The following RYR3 variants were observed in gnomAD, a reference collection of about 807,000 sequenced individuals.
The protein encoded by RYR3 is ryanodine receptor 3.
Under a neutral mutation model 584.3 loss-of-function variants are expected in RYR3, and 207 were observed. That is an observed-to-expected ratio of 0.35 (90% confidence interval 0.32 to 0.40). The LOEUF is 0.40. Ranked by LOEUF, RYR3 falls within the 10% of genes least tolerant of loss-of-function variation. The pLI is 1.00. For missense variants in RYR3, 5,616 were observed against 6,089.2 expected, an observed-to-expected ratio of 0.92 and a Z score of 2.59; for synonymous variants, 2,416 against 2,248.5, an observed-to-expected ratio of 1.07 and a Z score of -2.11.
chr15:33,784,759 C>T (rs2074601666), intron 65 of RYR3, among the ~76,000 whole-genome samples: 1 of 152,228 alleles, frequency 6.6e-6, no homozygotes, highest in Admixed American at 6.5e-5. Context: ...TATCCTCTAA[C>T]ATGTCAGGAA....
In RYR3 at chr15:33,467,919, G is replaced by A. The variant is rs933285589; in HGVS notation, c.52-5500G>A. ...CTCTGTGATGTGGTTATGTTTCAAT[G>A]TGGTTTGATCATGTGACAGGGCTGG... On this transcript the variant is annotated intron_variant, in intron 1 of 103. Transcript: ENST00000634891. Among the ~76,000 whole-genome samples the A allele has an allele frequency of 6.6e-5, 10 of 152,324 alleles. No homozygotes were observed. The South Asian group carries it at 8.3e-4, about 13-fold the overall frequency.
At chr15:33,616,787 G>C (rs2060473971) in intron 19 of RYR3, among the ~76,000 whole-genome samples, 1 of 152,172 alleles carries the variant, frequency 6.6e-6, no homozygotes, top group South Asian at 2.1e-4. Flanking sequence ...CTGGCTTCGG[G>C]TCTCACAGCA....
At chr15:33,584,234 GA>G (rs201623484) in intron 14 of RYR3, among the ~76,000 whole-genome samples, 160 bp from the exon 15 acceptor site, 1 of 150,740 alleles carries the variant, frequency 6.6e-6, no homozygotes, top group East Asian at 1.9e-4. Flanking sequence ...CTTAAAAAAA[GA>G]AAAAAAAAGA....
At chr15:33,421,907 A>G (rs1051444489) in intron 1 of RYR3, among the ~76,000 whole-genome samples, 3 of 152,218 alleles carry the variant, frequency 2.0e-5, no homozygotes, top group African/African-American at 7.2e-5. Context: ...AATGTGGAAG[A>G]CCTGCTTGGA....
chr15:33,652,641 T>G, intron 31 of RYR3, 77 bp from the exon 32 acceptor site: 1 of 1,470,442 alleles, frequency 6.8e-7, no homozygotes, highest in African/African-American at 1.4e-5. Context: ...CCATTTTCAT[T>G]TTTCATTTCA....
At chr15:33,738,006 A>C (rs2069671442) in intron 49 of RYR3, among the ~76,000 whole-genome samples, 1 of 152,160 alleles carries the variant, frequency 6.6e-6, no homozygotes, top group Admixed American at 6.5e-5. Flanking sequence ...GAAAATCTTC[A>C]GACCCACGAC....
chr15:33,377,159 A>G (rs1017448678), intron 1 of RYR3, among the ~76,000 whole-genome samples: 3 of 152,256 alleles, frequency 2.0e-5, no homozygotes, highest in Non-Finnish European at 2.9e-5. Context: ...ATTGGGTATT[A>G]TAGGCTCTGA....
At chr15:33,574,451 T>A (rs1258195448) in intron 12 of RYR3, among the ~76,000 whole-genome samples, 1 of 152,182 alleles carries the variant, frequency 6.6e-6, no homozygotes, top group Non-Finnish European at 1.5e-5. Flanking sequence ...TTCCCCACTA[T>A]TTTTGTGTCT....
In RYR3 at chr15:33,539,433, C is replaced by T; in HGVS notation, c.517C>T (p.Leu173Phe). Residue 173 changes from leucine (L) to phenylalanine (F), a missense_variant, in exon 6 of 104, where the codon CTC becomes TTC. Around this residue, in one of 9 missense-constraint regions of RYR3, gnomAD observed 1,284 missense variants for 1,344.6 expected, o/e 0.95. Transcript: ENST00000634891. ...AGTTCGAATTGGCGATGACCTCATC[C>T]TCGTCAGCGTGTCCTCTGAAAGATA... is the stretch of plus-strand genomic sequence containing the variant. ...EKVRIGDDLI[L>F]VSVSSERYLH... 2 of 1,599,692 alleles carry T rather than the reference C, an allele frequency of 1.3e-6. No homozygotes were observed. The highest frequency in any genetic ancestry group is 1.7e-6 in the Non-Finnish European group (2 of 1,172,046).
At chr15:33,818,518 C>G in intron 75 of RYR3, 60 bp from the exon 76 acceptor site, 2 of 1,263,400 alleles carry the variant, frequency 1.6e-6, no homozygotes, top group Middle Eastern at 1.9e-4. Context: ...TGTTCGCATG[C>G]CAGTCACGTG....
At chr15:33,806,015 A>C (rs1055741842) in intron 69 of RYR3, among the ~76,000 whole-genome samples, 1 of 144,310 alleles carries the variant, frequency 6.9e-6, no homozygotes, top group Non-Finnish European at 1.5e-5. Flanking sequence ...CTCTCACTCT[A>C]TCTCTTGCTT....
intron 65 of RYR3, among the ~76,000 whole-genome samples, chr15:33,781,381 A>T (rs2074370188): frequency 6.6e-6 from 1 of 152,196 alleles, no homozygotes. Flanking sequence ...TCTATTCAGA[A>T]CCAATGTTTT....
At chr15:33,789,144 G>T (rs930428624) in intron 67 of RYR3, among the ~76,000 whole-genome samples, 1 of 152,146 alleles carries the variant, frequency 6.6e-6, no homozygotes, top group African/African-American at 2.4e-5. Context: ...ACCAAAAGGA[G>T]GCCAGTGTAG....
At chr15:33,658,537 C>A (rs955700477) in intron 32 of RYR3, among the ~76,000 whole-genome samples, 3 of 152,212 alleles carry the variant, frequency 2.0e-5, no homozygotes, top group African/African-American at 7.2e-5. Context: ...ATTGGGGTCA[C>A]CTTAGGGTAT....
intron 12 of RYR3, among the ~76,000 whole-genome samples, chr15:33,568,743 TTTAATA>T: frequency 6.6e-6 from 1 of 152,280 alleles, no homozygotes; most frequent in African/African-American, 2.4e-5. Flanking sequence ...TTCAGTAAGT[TTTAATA>T]TATTTATTTG....
At chr15:33,669,314 A>G in intron 36 of RYR3, 40 bp from the exon 37 acceptor site, 4 of 1,558,598 alleles carry the variant, frequency 2.6e-6, no homozygotes, top group Non-Finnish European at 3.5e-6. Flanking sequence ...CTTGGCCAAC[A>G]TTGAGAACCA....
chr15:33,350,713 G>A (rs1455569299), intron 1 of RYR3, among the ~76,000 whole-genome samples: 3 of 151,974 alleles, frequency 2.0e-5, no homozygotes, highest in South Asian at 4.2e-4. Context: ...TGAAACCAAC[G>A]AGAACAAAGA....
intron 71 of RYR3, 100 bp downstream of exon 71, chr15:33,810,749 G>A (rs2076484528): frequency 1.4e-6 from 2 of 1,447,770 alleles, no homozygotes; most frequent in African/African-American, 1.4e-5. Flanking sequence ...GGGGGGCGGG[G>A]AGCAGATGCG....
chr15:33,806,353 C>T lies in RYR3; in HGVS notation c.10012-1202C>T, dbSNP rs149652227. On this transcript the variant is annotated intron_variant, in intron 69 of 103. Coordinates refer to ENST00000634891, the MANE Select transcript of RYR3 (RefSeq NM_001036.6). ...GATTTTGAAGGTATAAGAATCTGTACATTTCTATTAAGAAAATAAAACATG... is the reference window on the plus strand; with the variant it reads ...GATTTTGAAGGTATAAGAATCTGTATATTTCTATTAAGAAAATAAAACATG... Among the ~76,000 whole-genome samples, 799 of 152,204 alleles carry T rather than the reference C, an allele frequency of 5.2e-3. 11 individuals are homozygous for T. The highest frequency in any genetic ancestry group is 0.017 in the African/African-American group (722 of 41,528).
Sources: gnomAD v4.1 joint callset for allele counts (sites outside exome capture counted in the v4.1 genomes callset) on GRCh38, gnomAD v4.1.1 for gene constraint, gnomAD v4.1.1 regional missense constraint, MANE v1.5 for transcripts, NCBI Gene and HGNC (gene_info 2026-07-23, HGNC 2026-07-21) for gene names.